Variants in MIPOL1 observed in about 807,000 individuals in gnomAD.
The protein encoded by MIPOL1 is mirror-image polydactyly 1, also known as mirror-image polydactyly gene 1 protein.
In MIPOL1, 57 loss-of-function variants were observed where a neutral mutation model predicts 60.9. The observed-to-expected ratio is 0.94, with a 90% CI of 0.76 to 1.17. The LOEUF is 1.17. Ranked by LOEUF, MIPOL1 falls within the 50% of genes most tolerant of loss-of-function variation. MIPOL1 has a pLI of 0.00. For synonymous variants in MIPOL1, 179 were observed against 168.8 expected (o/e 1.06, Z -0.47); for missense variants, 551 against 511.6 (o/e 1.08, Z -0.74).
At chr14:37,497,939 A>G (rs573248938) in intron 11 of MIPOL1, among the ~76,000 whole-genome samples, 121 of 152,320 alleles carry the variant, frequency 7.9e-4, no homozygotes, top group African/African-American at 1.6e-3. Flanking sequence ...GAGAAATTCT[A>G]CTTTACACAT....
At position 37,363,258 on chromosome 14, in the gene MIPOL1, T is replaced by G. The variant is rs184645616; in HGVS notation, c.829-6259T>G. On this transcript the variant is annotated intron_variant, in intron 9 of 12. Transcript: ENST00000684589. ...CCCATCTTTATGTATTTATCTACCT[T>G]TGGTCTCTGATGTTTTTGACCTACA... is the stretch of plus-strand genomic sequence containing the variant. Among the ~76,000 whole-genome samples, 5 of 152,340 alleles carry G rather than the reference T, an allele frequency of 3.3e-5. No homozygotes were observed. The South Asian group carries it at 1.0e-3, about 32-fold the overall frequency.
At chr14:37,326,106 T>A (rs997146894) in intron 9 of MIPOL1, among the ~76,000 whole-genome samples, 9 of 152,176 alleles carry the variant, frequency 5.9e-5, no homozygotes, top group African/African-American at 9.6e-5. Context: ...ATCCTGGCTA[T>A]GGATAAAAAA....
intron 10 of MIPOL1, among the ~76,000 whole-genome samples, chr14:37,419,981 T>C (rs1406315575): frequency 6.6e-6 from 1 of 151,782 alleles, no homozygotes; most frequent in Non-Finnish European, 1.5e-5. Context: ...GCTGAAGTAA[T>C]CCTCCCACCT....
chr14:37,500,245 G>A, intron 12 of MIPOL1, 107 bp downstream of exon 12: 1 of 817,580 alleles, frequency 1.2e-6, no homozygotes, highest in Non-Finnish European at 1.9e-6. Flanking sequence ...TAATAGTTTA[G>A]AACAAAAGTA....
intron 3 of MIPOL1, among the ~76,000 whole-genome samples, chr14:37,253,484 ATGGTG>A (rs1185000245): frequency 2.1e-4 from 32 of 151,724 alleles, no homozygotes; most frequent in African/African-American, 6.3e-4. Context: ...CACCAGTGTG[ATGGTG>A]GTAGGTTACA....
intron 1 of MIPOL1, among the ~76,000 whole-genome samples, chr14:37,216,485 C>CT (rs1967736620): frequency 6.6e-6 from 1 of 152,228 alleles, no homozygotes; most frequent in African/African-American, 2.4e-5. Flanking sequence ...AATACACATT[C>CT]TTTTCCTTAG....
chr14:37,328,308 C>A (rs1278859742), intron 9 of MIPOL1, among the ~76,000 whole-genome samples: 2 of 152,128 alleles, frequency 1.3e-5, no homozygotes, highest in Admixed American at 6.6e-5. Context: ...AGCCACCACA[C>A]CCGGCCCAGA....
intron 9 of MIPOL1, among the ~76,000 whole-genome samples, chr14:37,367,460 A>G (rs1271623161): frequency 1.3e-5 from 2 of 152,052 alleles, no homozygotes; most frequent in East Asian, 1.9e-4. Flanking sequence ...AAAAATCCCT[A>G]TTCCTGGGTG....
chr14:37,485,002 C>A (rs1448337532), intron 11 of MIPOL1, among the ~76,000 whole-genome samples: 1 of 152,100 alleles, frequency 6.6e-6, no homozygotes, highest in Non-Finnish European at 1.5e-5. Context: ...TTCCCCTCCA[C>A]CCCCTGACAA....
At chr14:37,307,385 C>T (rs2086875423) in intron 7 of MIPOL1, among the ~76,000 whole-genome samples, 1 of 151,810 alleles carries the variant, frequency 6.6e-6, no homozygotes, top group South Asian at 2.1e-4. Context: ...TCTTTAATTT[C>T]TCAACATCAG....
At chr14:37,478,001 A>T (rs2094804011) in intron 11 of MIPOL1, among the ~76,000 whole-genome samples, 1 of 152,234 alleles carries the variant, frequency 6.6e-6, no homozygotes, top group African/African-American at 2.4e-5. Context: ...GATAAGAAAA[A>T]GAAGAAGCGT....
chr14:37,408,801 CCCT>C lies in MIPOL1; in HGVS notation c.937-14050_937-14048del, dbSNP rs1411215593. On this transcript the variant is annotated intron_variant, in intron 10 of 12. Coordinates refer to ENST00000684589, the MANE Select transcript of MIPOL1 (RefSeq NM_001388067.1). Reference sequence around the variant, plus strand: ...GTGTGGCAGGCAGATACTGCAGGGACCCTCCTGTTGCTAAACTGCTAGGTCCTG... The same window carrying C: ...GTGTGGCAGGCAGATACTGCAGGGACCCTGTTGCTAAACTGCTAGGTCCTG... Among the ~76,000 whole-genome samples the C allele has an allele frequency of 2.6e-5, 4 of 152,104 alleles. No homozygotes were observed. In the East Asian group the frequency reaches 7.7e-4, roughly 29 times the overall value.
intron 1 of MIPOL1, 100 bp from the exon 2 acceptor site, chr14:37,247,003 A>G (rs1199597671): frequency 6.6e-6 from 1 of 152,342 alleles, no homozygotes; most frequent in Non-Finnish European, 1.5e-5. Context: ...TCTTATTAAA[A>G]TACTGCAATT....
At chr14:37,431,579 T>TC (rs1457956121) in intron 11 of MIPOL1, among the ~76,000 whole-genome samples, 2 of 109,920 alleles carry the variant, frequency 1.8e-5, no homozygotes, top group Non-Finnish European at 3.7e-5. Flanking sequence ...CTTTTTTTTT[T>TC]TTTTTTTTTT....
rs1209034691 is a variant in MIPOL1 at position 37,270,667 on chromosome 14, T to C, written c.493+142T>C. On this transcript the variant is annotated intron_variant, in intron 6 of 12. Transcript: ENST00000684589. ...TTTTTTTTTTTTTTTTTTTGGCTGC[T>C]TAGAAAATAGGTGGCTTTAACATCC... is the stretch of plus-strand genomic sequence containing the variant. 1.2e-5 allele frequency: 5 copies of C among 417,432 alleles called. No homozygotes were observed. In the Admixed American group the frequency reaches 1.5e-4, roughly 12 times the overall value. 25.9% of individuals were successfully genotyped at this position (417,432 alleles called of 1,614,324 possible).
intron 12 of MIPOL1, among the ~76,000 whole-genome samples, chr14:37,516,612 AG>A (rs797001553): frequency 6.6e-5 from 10 of 152,314 alleles, no homozygotes; most frequent in African/African-American, 2.4e-4. Context: ...TTTAGTACAA[AG>A]GAAGACTTTG....
At chr14:37,347,123 T>C (rs2059811073) in intron 9 of MIPOL1, among the ~76,000 whole-genome samples, 1 of 151,998 alleles carries the variant, frequency 6.6e-6, no homozygotes, top group East Asian at 1.9e-4. Flanking sequence ...CTACTAAAGA[T>C]GGGCAAAGTG....
At chr14:37,313,751 C>A (rs182651343) in intron 9 of MIPOL1, among the ~76,000 whole-genome samples, 8 of 152,260 alleles carry the variant, frequency 5.3e-5, no homozygotes, top group African/African-American at 1.9e-4. Context: ...TTGGCATCGA[C>A]TGATGAGAAT....
At chr14:37,286,385 T>A (rs919506961) in intron 7 of MIPOL1, among the ~76,000 whole-genome samples, 5 of 152,162 alleles carry the variant, frequency 3.3e-5, no homozygotes, top group Non-Finnish European at 7.3e-5. Context: ...TAGGCCTGGG[T>A]TGGGACTGGA....
Sources: gnomAD v4.1 joint callset for allele counts (sites outside exome capture counted in the v4.1 genomes callset) on GRCh38, gnomAD v4.1.1 for gene constraint, MANE v1.5 for transcripts, NCBI Gene and HGNC (gene_info 2026-07-23, HGNC 2026-07-21) for gene names.